The following CNTN5 variants were observed in gnomAD, a reference collection of about 807,000 sequenced individuals.
CNTN5 encodes the protein contactin-5.
A neutral mutation model predicts 129.1 loss-of-function variants in CNTN5; 77 were observed. That is an observed-to-expected ratio of 0.60 (90% CI 0.50 to 0.72). CNTN5 has a LOEUF of 0.72. CNTN5 is among the 30% of genes least tolerant of loss of function. CNTN5 has a pLI of 0.00. For synonymous variants in CNTN5, 509 were observed against 465.6 expected (o/e 1.09, Z -1.20); for missense variants, 1,478 against 1,328.8 (o/e 1.11, Z -1.75).
intron 7 of CNTN5, among the ~76,000 whole-genome samples, chr11:99,928,983 T>G (rs776063196): frequency 6.6e-6 from 1 of 152,216 alleles, no homozygotes; most frequent in Non-Finnish European, 1.5e-5. Context: ...AGTCATATCT[T>G]GAATGCTTTG....
At chr11:99,249,270 C>G (rs147474451) in intron 1 of CNTN5, among the ~76,000 whole-genome samples, 2,571 of 152,096 alleles carry the variant, frequency 0.017, 84 homozygotes, top group African/African-American at 0.059. Flanking sequence ...CTCTGTTTGT[C>G]TGTTATTGGT....
At chr11:99,945,002 A>G (rs1256131652) in intron 7 of CNTN5, among the ~76,000 whole-genome samples, 1 of 152,128 alleles carries the variant, frequency 6.6e-6, no homozygotes, top group African/African-American at 2.4e-5. Flanking sequence ...ATGATGAAAG[A>G]CACATGGATT....
At chr11:99,629,661 A>T (rs1269809939) in intron 3 of CNTN5, among the ~76,000 whole-genome samples, 2 of 107,806 alleles carry the variant, frequency 1.9e-5, no homozygotes, top group East Asian at 5.0e-4. Context: ...ATATAATTTT[A>T]AAAAACCTTA....
chr11:99,191,095 T>A (rs1174083714), intron 1 of CNTN5, among the ~76,000 whole-genome samples: 1 of 151,874 alleles, frequency 6.6e-6, no homozygotes, highest in Non-Finnish European at 1.5e-5. Context: ...TCTATTGAGA[T>A]AAACATATCT....
chr11:99,666,235 T>C (rs888747646), intron 3 of CNTN5, among the ~76,000 whole-genome samples: 7 of 152,190 alleles, frequency 4.6e-5, no homozygotes, highest in Non-Finnish European at 1.0e-4. Flanking sequence ...CCCGAAGTGC[T>C]TGGATTATAG....
chr11:99,496,836 C>A (rs1946244793), intron 2 of CNTN5, among the ~76,000 whole-genome samples: 1 of 152,206 alleles, frequency 6.6e-6, no homozygotes, highest in African/African-American at 2.4e-5. Flanking sequence ...CATACGTTTT[C>A]AGCCTGTGTA....
chr11:99,238,748 C>T (rs1336711901), intron 1 of CNTN5, among the ~76,000 whole-genome samples: 1 of 152,000 alleles, frequency 6.6e-6, no homozygotes, highest in African/African-American at 2.4e-5. Flanking sequence ...TGTATTCTAT[C>T]TACATACAAG....
intron 8 of CNTN5, among the ~76,000 whole-genome samples, chr11:99,966,586 A>G (rs1399596759): frequency 6.6e-6 from 1 of 152,194 alleles, no homozygotes; most frequent in Non-Finnish European, 1.5e-5. Context: ...GGTTGCCCTC[A>G]AGTTGCAGCT....
intron 9 of CNTN5, among the ~76,000 whole-genome samples, chr11:100,050,822 CAG>C (rs1033690198): frequency 2.0e-5 from 3 of 151,914 alleles, no homozygotes; most frequent in African/African-American, 4.8e-5. Flanking sequence ...TAATGTAGCA[CAG>C]AGTGTTGCCT....
At chr11:100,061,476 T>G (rs945653260) in intron 10 of CNTN5, 83 bp downstream of exon 10, 3 of 1,035,280 alleles carry the variant, frequency 2.9e-6, no homozygotes, top group African/African-American at 3.2e-5. Context: ...AAATATTGTT[T>G]GTTAGGTACA....
intron 1 of CNTN5, among the ~76,000 whole-genome samples, chr11:99,284,600 GGTGTGTGTGTGTGTGTGT>G (rs71046675): frequency 0.03 from 3,772 of 124,780 alleles, 146 homozygotes; most frequent in African/African-American, 0.088. Context: ...AGAGATGAGT[GGTGTGTGTGTGTGTGTGT>G]GTGTGTGTGT....
chr11:100,089,328 A>T (rs911145106), intron 13 of CNTN5, among the ~76,000 whole-genome samples: 2 of 152,158 alleles, frequency 1.3e-5, no homozygotes, highest in Admixed American at 1.3e-4. Flanking sequence ...ACCGATCATT[A>T]TAGAAAGGCA....
At chr11:99,523,615 A>G (rs1947355326) in intron 2 of CNTN5, among the ~76,000 whole-genome samples, 1 of 38,788 alleles carries the variant, frequency 2.6e-5, no homozygotes, top group Admixed American at 3.2e-4. Context: ...AGAATAGAAT[A>G]GAATAGAATA....
At position 100,356,128 on chromosome 11, in the gene CNTN5, A is replaced by C. The variant is rs2139051215; in HGVS notation, c.3211A>C (p.Thr1071Pro). The C allele has an allele frequency of 6.2e-7, 1 of 1,608,496 alleles. No homozygotes were observed. The highest frequency in any genetic ancestry group is 2.2e-5 in the East Asian group (1 of 44,638). ...TTCTTTTTTCACAGGTGGAAAAATC[A>C]CAAGTGCACAGTCGACCCTTCACTC... ...RVPSYSGGKI[T>P]SAQSTLHSLS... The change falls in exon 25 of 25, where the codon ACA (threonine) becomes CCA (proline). Residue 1071 changes from threonine to proline, a missense_variant. Thr to Pro is a conservative substitution (Grantham distance 38). Transcript: ENST00000524871.
chr11:99,670,988 C>T (rs928236102), intron 3 of CNTN5, among the ~76,000 whole-genome samples: 2 of 152,042 alleles, frequency 1.3e-5, no homozygotes, highest in East Asian at 1.9e-4. Flanking sequence ...TTGACACTCC[C>T]CAGGCTAGTT....
intron 3 of CNTN5, among the ~76,000 whole-genome samples, chr11:99,664,877 A>G (rs1952727486): frequency 6.6e-6 from 1 of 152,174 alleles, no homozygotes; most frequent in African/African-American, 2.4e-5. Context: ...AAATGTGCAC[A>G]TGCTAATTTA....
chr11:99,904,564 C>A (rs928251761), intron 6 of CNTN5, among the ~76,000 whole-genome samples: 3 of 152,118 alleles, frequency 2.0e-5, no homozygotes, highest in African/African-American at 7.2e-5. Flanking sequence ...GAGCTAGTTC[C>A]AAGTCTTTGC....
At chr11:99,712,968 T>G (rs6625677) in intron 3 of CNTN5, among the ~76,000 whole-genome samples, 1 of 152,262 alleles carries the variant, frequency 6.6e-6, no homozygotes, top group East Asian at 1.9e-4. Flanking sequence ...TGGGCTCTTT[T>G]TTTTGTTTCC....
chr11:99,595,450 T>A (rs938481105), intron 3 of CNTN5, among the ~76,000 whole-genome samples: 1 of 152,286 alleles, frequency 6.6e-6, no homozygotes, highest in East Asian at 1.9e-4. Context: ...ATAAGTGGAC[T>A]TAATATGAAA....
Sources: gnomAD v4.1 joint callset for allele counts (sites outside exome capture counted in the v4.1 genomes callset) on GRCh38, gnomAD v4.1.1 for gene constraint, MANE v1.5 for transcripts, NCBI Gene and HGNC (gene_info 2026-07-23, HGNC 2026-07-21) for gene names.